SPTBN2: variants seen among roughly 807,000 people sequenced by gnomAD.
The protein encoded by SPTBN2 is spectrin beta chain, non-erythrocytic 2.
SPTBN2 carries 107 observed loss-of-function variants against 284.2 expected under a neutral mutation model. The ratio of observed to expected loss-of-function variants is 0.38; its 90% CI spans 0.32 to 0.44. SPTBN2 has a LOEUF of 0.44. SPTBN2 is among the 20% of genes least tolerant of loss of function. SPTBN2 has a pLI of 1.00. For missense variants in SPTBN2, 2,569 were observed against 3,287.1 expected (o/e 0.78, Z 5.34); for synonymous variants, 1,289 against 1,354.8 (o/e 0.95, Z 1.07).
chr11:66,719,117 C>T (rs1306354413), intron 3 of SPTBN2, among the ~76,000 whole-genome samples: 1 of 152,240 alleles, frequency 6.6e-6, no homozygotes, highest in Non-Finnish European at 1.5e-5. Context: ...GGGCTTTGAG[C>T]CCCAGCTCAG....
intron 1 of SPTBN2, among the ~76,000 whole-genome samples, chr11:66,740,003 G>A (rs930512702): frequency 9.9e-5 from 15 of 152,192 alleles, no homozygotes; most frequent in African/African-American, 3.1e-4. Flanking sequence ...CTGCACTCCA[G>A]CCCAGGCAAC....
Position 66,701,155 on chromosome 11 carries a change from C to T in SPTBN2, c.2944G>A (p.Glu982Lys), listed in dbSNP as rs777790247. 72 of 1,613,036 alleles carry T rather than the reference C, an allele frequency of 4.5e-5. No individual in the cohort carries two copies. Among genetic ancestry groups the T allele is most frequent in the East Asian group, 6.7e-5 (3 of 44,902 alleles). The change falls in exon 17 of 38, where the codon GAG becomes AAG. Residue 982 changes from glutamate (E) to lysine (K), a missense_variant. Physicochemically the swap from Glu to Lys is moderately conservative, Grantham distance 56. Transcript: ENST00000533211. ...TCGTTGCCTAGGCCCTGGGTGGACT[C>T]GATGACTTTGGTCTTCTCTCTCATC... Reference protein sequence around the residue: ...AWMREKTKVIESTQGLGNDLA... With the variant: ...AWMREKTKVIKSTQGLGNDLA...
chr11:66,701,737 A>G lies in SPTBN2; in HGVS notation c.2679-16T>C, dbSNP rs1565131327. The G allele has an allele frequency of 6.2e-7, 1 of 1,614,092 alleles. No homozygotes were observed. ...GGTCTCGAACCTGAGAGGGTGGAAG[A>G]GCCAGGCGTGAATTGTGGGAGGCAG... On this transcript the variant is annotated splice_polypyrimidine_tract_variant and intron_variant, in intron 15 of 37. Coordinates refer to ENST00000533211, the MANE Select transcript of SPTBN2 (RefSeq NM_006946.4).
At chr11:66,742,982 T>G (rs1942908683) in intron 1 of SPTBN2, among the ~76,000 whole-genome samples, 1 of 152,160 alleles carries the variant, frequency 6.6e-6, no homozygotes, top group African/African-American at 2.4e-5. Context: ...ACGATAACAA[T>G]TTTCTTACAA....
At chr11:66,732,597 C>G (rs1440275187), upstream of SPTBN2, among the ~76,000 whole-genome samples, 1 of 140,494 alleles carries the variant, frequency 7.1e-6, no homozygotes, top group Non-Finnish European at 1.5e-5. Context: ...TTGCAGTGAG[C>G]TGAGATCATT....
intron 8 of SPTBN2, among the ~76,000 whole-genome samples, chr11:66,713,193 C>CT (rs1941965592): frequency 6.6e-6 from 1 of 151,434 alleles, no homozygotes; most frequent in Non-Finnish European, 1.5e-5. Context: ...ACTGGGCTGC[C>CT]TTTCTTCCTA....
At chr11:66,744,282 G>A (rs1189565999) in intron 1 of SPTBN2, among the ~76,000 whole-genome samples, 1 of 152,194 alleles carries the variant, frequency 6.6e-6, no homozygotes, top group East Asian at 1.9e-4. Context: ...TTAATTGGCC[G>A]TCTTTTTCTT....
chr11:66,744,049 C>CG (rs1256830757), intron 1 of SPTBN2, among the ~76,000 whole-genome samples: 2 of 151,976 alleles, frequency 1.3e-5, no homozygotes, highest in African/African-American at 2.4e-5. Context: ...TCAGTAGAGA[C>CG]GGGGTTTCAC....
rs2135397177 is a variant in SPTBN2, at chr11:66,698,677, G to A, written c.3976C>T (p.Leu1326=). 1.2e-6 allele frequency: 2 copies of A among 1,614,272 alleles called. No homozygotes were observed. The highest frequency in any genetic ancestry group is 2.2e-5 in the East Asian group (1 of 44,888). ...TCCAGCCAGTCTTTGTTGGCAGCCA[G>A]CTCGGCCATGAATGCCTGGTGCTTC... ...WQKHQAFMAE[L]AANKDWLDKV... The change falls in exon 20 of 38, where the codon CTG becomes TTG. Residue 1326 remains leucine, a synonymous_variant. Coordinates refer to ENST00000533211, the MANE Select transcript of SPTBN2 (RefSeq NM_006946.4).
intron 1 of SPTBN2, among the ~76,000 whole-genome samples, chr11:66,724,315 C>T (rs184655847): frequency 2.6e-4 from 39 of 152,080 alleles, no homozygotes; most frequent in Non-Finnish European, 3.8e-4. Flanking sequence ...TCCAGCTACT[C>T]GGGAGGCTGA....
intron 8 of SPTBN2, among the ~76,000 whole-genome samples, chr11:66,711,758 T>G (rs2135497069): frequency 6.6e-6 from 1 of 152,326 alleles, no homozygotes; most frequent in East Asian, 1.9e-4. Flanking sequence ...ACTGAAGTCA[T>G]CTCGGAAAGT....
Position 66,698,504 on chromosome 11 carries a change from A to G in SPTBN2, c.4014+135T>C, listed in dbSNP as rs115645857. The G allele has an allele frequency of 1.6e-3, 2,212 of 1,348,836 alleles. 30 individuals are homozygous for G. The African/African-American group carries it at 0.027, about 17-fold the overall frequency. The allele number at this position is 1,348,836 out of a possible 1,614,324, so 83.6% of individuals were successfully genotyped here. On this transcript the variant is annotated intron_variant, in intron 20 of 37. Transcript: ENST00000533211. ...CAAAGACGTTTGTTTCCCAGAGGCC[A>G]TAACTTTCCACCATGGAGCTGTGGC...
At chr11:66,731,694 C>A (rs780654787), upstream of SPTBN2, among the ~76,000 whole-genome samples, 1 of 152,214 alleles carries the variant, frequency 6.6e-6, no homozygotes, top group Non-Finnish European at 1.5e-5. Context: ...CCCCGACTTC[C>A]CTCCATGCAT....
Position 66,693,225 on chromosome 11 carries a change from G to A in SPTBN2, c.4815C>T (p.Gly1605=), listed in dbSNP as rs527634722. ...GGCCCATCATGTGTAATTCCTGCTCGCCCATCCAGGCCTCCGCCTCGGCGG... is the reference window on the plus strand; with the variant it reads ...GGCCCATCATGTGTAATTCCTGCTCACCCATCCAGGCCTCCGCCTCGGCGG... ...RDAAEAEAWM[G]EQELHMMGQE... is the part of the protein sequence containing the mutation. The change falls in exon 24 of 38, where the codon GGC becomes GGT. Residue 1605 remains glycine, a synonymous_variant. Coordinates refer to ENST00000533211, the MANE Select transcript of SPTBN2 (RefSeq NM_006946.4). The surrounding 1 kb of genome is among the most constrained non-coding windows in gnomAD (Gnocchi z 5.7). The A allele has an allele frequency of 1.2e-5, 20 of 1,614,198 alleles. No homozygotes were observed. The highest frequency in any genetic ancestry group is 8.9e-5 in the East Asian group (4 of 44,888).
At position 66,700,222 on chromosome 11, in the gene SPTBN2, T is replaced by C. The variant is rs1035681063; in HGVS notation, c.3573+304A>G. Among the ~76,000 whole-genome samples the C allele has an allele frequency of 6.6e-6, 1 of 152,102 alleles. No homozygotes were observed. The highest frequency in any genetic ancestry group is 1.5e-5 in the Non-Finnish European group (1 of 68,014). ...CTCCTGCCTCGGCCTCCCAAAATACTGGGAGTACAAGTGTGAGCCATCCTG... is the reference window on the plus strand; with the variant it reads ...CTCCTGCCTCGGCCTCCCAAAATACCGGGAGTACAAGTGTGAGCCATCCTG... On this transcript the variant is annotated intron_variant, in intron 17 of 37. Coordinates refer to ENST00000533211, the MANE Select transcript of SPTBN2 (RefSeq NM_006946.4). The surrounding 1 kb of genome is among the most constrained non-coding windows in gnomAD (Gnocchi z 6.6).
rs779667441 is a variant in SPTBN2, at chr11:66,693,340, T to C, written c.4700A>G (p.Gln1567Arg). 8 of 1,609,532 alleles carry C rather than the reference T, an allele frequency of 5.0e-6. No individual in the cohort carries two copies. Among genetic ancestry groups the C allele is most frequent in the Admixed American group, 1.7e-5 (1 of 60,030 alleles). The part of the protein sequence containing the change: ...AAAGPELAEL[Q>R]EMWKRLGHEL... The stretch of plus-strand genomic sequence containing the variant: ...GTGGCCCAGGCGTTTCCACATTTCC[T>C]GCAGCTCAGCCAGCTCTGGACCTGC... The change falls in exon 24 of 38, where the codon CAG (glutamine) becomes CGG (arginine). Residue 1567 changes from glutamine to arginine, a missense_variant. Gln to Arg is a conservative substitution (Grantham distance 43). Around this residue, in one of 6 missense-constraint regions of SPTBN2, gnomAD observed 1,130 missense variants for 1,317.3 expected, o/e 0.86. Transcript: ENST00000533211. The surrounding 1 kb of genome is among the most constrained non-coding windows in gnomAD (Gnocchi z 5.7).
chr11:66,711,742 G>A (rs919056414), intron 8 of SPTBN2, among the ~76,000 whole-genome samples: 1 of 152,234 alleles, frequency 6.6e-6, no homozygotes, highest in Non-Finnish European at 1.5e-5. Flanking sequence ...TGGGCAGGCA[G>A]GAGCCACTGA....
chr11:66,699,835 T>C (rs1941141964), intron 17 of SPTBN2, among the ~76,000 whole-genome samples: 1 of 152,242 alleles, frequency 6.6e-6, no homozygotes, highest in Non-Finnish European at 1.5e-5. Flanking sequence ...AATCCTGTTC[T>C]ATCTCACTTC....
chr11:66,707,941 C>A lies in SPTBN2; in HGVS notation c.1351-123G>T. 7.1e-7 allele frequency: 1 copy of A among 1,405,136 alleles called. No homozygotes were observed. The highest frequency in any genetic ancestry group is 1.3e-5 in the South Asian group (1 of 77,342). 87.0% of individuals were successfully genotyped at this position (1,405,136 alleles called of 1,614,324 possible). A position where few individuals can be genotyped will look rare whatever the true frequency, so the allele number is the denominator to read the frequency against. ...TCCATGCGGTGGCTCTAAGTTCCCT[C>A]TCTATCCCACCCCCATCCTGTCTCA... On this transcript the variant is annotated intron_variant, in intron 12 of 37. Transcript: ENST00000533211. This position sits in a 1 kb window ranked among gnomAD's most constrained non-coding sequence, Gnocchi z 4.9.
Sources: allele counts gnomAD v4.1 joint callset (sites outside exome capture counted in the v4.1 genomes callset), GRCh38; gene constraint gnomAD v4.1.1; regional missense constraint gnomAD v4.1.1; non-coding constraint Gnocchi (gnomAD v3.1); transcripts MANE v1.5; gene names NCBI Gene and HGNC (gene_info 2026-07-23, HGNC 2026-07-21).